The following LARGE1 variants were observed in gnomAD, a reference collection of about 807,000 sequenced individuals.
The protein encoded by LARGE1 is xylosyl- and glucuronyltransferase LARGE1.
In LARGE1, 43 loss-of-function variants were observed where a neutral mutation model predicts 87.6. The ratio of observed to expected loss-of-function variants is 0.49; its 90% CI spans 0.38 to 0.63. The LOEUF is 0.63. Among genes scored for constraint, LARGE1 ranks in the 30% least tolerant of loss-of-function variants. The pLI is 0.00. For synonymous variants in LARGE1, 434 were observed against 394.6 expected (o/e 1.10, Z -1.18); for missense variants, 802 against 1,000.2 (o/e 0.80, Z 2.67).
At chr22:33,828,355 CAG>C (rs1407364865) in intron 1 of LARGE1, among the ~76,000 whole-genome samples, 2 of 152,182 alleles carry the variant, frequency 1.3e-5, no homozygotes, top group Admixed American at 6.5e-5. Context: ...GGAAGGCAGA[CAG>C]AAAGGCTTCT....
At chr22:33,895,104 T>C (rs973786551) in intron 1 of LARGE1, among the ~76,000 whole-genome samples, 4 of 152,038 alleles carry the variant, frequency 2.6e-5, no homozygotes, top group African/African-American at 9.7e-5. Context: ...AGTACACCTC[T>C]ACAGAGGTGG....
intron 12 of LARGE1, among the ~76,000 whole-genome samples, chr22:33,285,153 C>T (rs1931274809): frequency 6.6e-6 from 1 of 152,144 alleles, no homozygotes; most frequent in Non-Finnish European, 1.5e-5. Context: ...TCACTCTTGG[C>T]CAGGACCTAG....
chr22:33,298,298 C>G (rs1370976015), intron 12 of LARGE1, among the ~76,000 whole-genome samples: 1 of 152,238 alleles, frequency 6.6e-6, no homozygotes, highest in South Asian at 2.1e-4. Flanking sequence ...TTTGTCTCCC[C>G]TGTTCACTGT....
intron 2 of LARGE1, among the ~76,000 whole-genome samples, chr22:33,697,163 A>T (rs2082276078): frequency 6.6e-6 from 1 of 152,150 alleles, no homozygotes; most frequent in Non-Finnish European, 1.5e-5. Flanking sequence ...AAGCATGAAC[A>T]AGGGATGTTA....
At chr22:33,894,055 G>A (rs1351134447) in intron 1 of LARGE1, among the ~76,000 whole-genome samples, 1 of 151,998 alleles carries the variant, frequency 6.6e-6, no homozygotes, top group Admixed American at 6.5e-5. Context: ...CTAAGTCTAA[G>A]GGTCAACTCC....
chr22:33,588,537 G>T (rs1416301589), intron 5 of LARGE1, among the ~76,000 whole-genome samples: 2 of 151,622 alleles, frequency 1.3e-5, no homozygotes, highest in African/African-American at 4.9e-5. Flanking sequence ...GTGTGTGTGC[G>T]CACGCACGCA....
At chr22:33,307,597 T>C (rs954057582) in intron 11 of LARGE1, among the ~76,000 whole-genome samples, 2 of 152,132 alleles carry the variant, frequency 1.3e-5, no homozygotes, top group Non-Finnish European at 2.9e-5. Flanking sequence ...CTAATACATA[T>C]TTGTTATTTC....
chr22:33,453,173 T>G (rs1157744600), intron 6 of LARGE1, among the ~76,000 whole-genome samples: 2 of 152,124 alleles, frequency 1.3e-5, no homozygotes, highest in Non-Finnish European at 2.9e-5. Flanking sequence ...TCCCAGCACT[T>G]TGGGAGGCCG....
Position 33,564,907 on chromosome 22 carries a change from G to A in LARGE1, c.728C>T (p.Thr243Met), listed in dbSNP as rs1267359140. Residue 243 changes from threonine (T) to methionine (M), a missense_variant, in exon 6 of 15, where the codon ACG becomes ATG. Physicochemically the swap from Thr to Met is moderately conservative, Grantham distance 81. This residue lies in a region of LARGE1 where 625 missense variants were observed against 841.9 expected (regional missense o/e 0.74). Transcript: ENST00000397394. The part of the protein sequence containing the change: ...ANLERVIVLD[T>M]DITFATDIAE... ...AATGTCAGTGGCAAAGGTGATATCC[G>A]TGTCAAGGACGATGACTCTCTCCAG... is the stretch of plus-strand genomic sequence containing the variant. 7 of 1,614,032 alleles carry A rather than the reference G, an allele frequency of 4.3e-6. No individual in the cohort carries two copies. The highest frequency in any genetic ancestry group is 3.3e-5 in the Admixed American group (2 of 60,006).
intron 9 of LARGE1, among the ~76,000 whole-genome samples, chr22:33,358,151 C>G (rs927397810): frequency 6.6e-5 from 10 of 152,182 alleles, no homozygotes; most frequent in African/African-American, 2.4e-4. Flanking sequence ...CTGGTCACAG[C>G]AGTGCACAAA....
At position 33,631,237 on chromosome 22, in the gene LARGE1, A is replaced by G. The variant is rs537237666; in HGVS notation, c.409-4911T>C. Among the ~76,000 whole-genome samples the G allele has an allele frequency of 4.6e-5, 7 of 152,204 alleles. No homozygotes were observed. In the East Asian group the frequency reaches 1.4e-3, roughly 29 times the overall value. ...AGCGGTTATTCACAGACATGATCAC[A>G]GAACACGACAGCCTCGAAGTCCTGG... On this transcript the variant is annotated intron_variant, in intron 3 of 14. Coordinates refer to ENST00000397394, the MANE Select transcript of LARGE1 (RefSeq NM_133642.5).
intron 11 of LARGE1, among the ~76,000 whole-genome samples, chr22:33,181,025 A>C (rs748234593): frequency 2.6e-5 from 4 of 152,112 alleles, no homozygotes; most frequent in Admixed American, 1.3e-4. Flanking sequence ...AAATGTAAAA[A>C]CCATTGAGCT....
chr22:33,079,588 C>T, the LARGE1 span, among the ~76,000 whole-genome samples: 2 of 152,084 alleles, frequency 1.3e-5, no homozygotes, highest in South Asian at 4.2e-4. Flanking sequence ...TAACTCCTCA[C>T]TGCTATGTTA....
chr22:33,689,029 T>C (rs903724393), intron 2 of LARGE1, among the ~76,000 whole-genome samples: 1 of 152,150 alleles, frequency 6.6e-6, no homozygotes, highest in African/African-American at 2.4e-5. Context: ...TATCAAGCCC[T>C]GGTTTAGCGC....
At chr22:33,611,904 T>C (rs2079440488) in intron 4 of LARGE1, among the ~76,000 whole-genome samples, 1 of 152,090 alleles carries the variant, frequency 6.6e-6, no homozygotes, top group African/African-American at 2.4e-5. Flanking sequence ...TGTTTAAAGA[T>C]TGTGGCACCT....
intron 12 of LARGE1, among the ~76,000 whole-genome samples, chr22:33,302,268 G>A (rs541701702): frequency 1.3e-5 from 2 of 152,350 alleles, no homozygotes; most frequent in South Asian, 2.1e-4. Flanking sequence ...CGCTGGGGCT[G>A]GAGGGAGTGC....
chr22:33,647,497 T>G (rs2149168531), intron 3 of LARGE1, among the ~76,000 whole-genome samples: 1 of 152,252 alleles, frequency 6.6e-6, no homozygotes, highest in Middle Eastern at 3.4e-3. Context: ...TCATTATGGG[T>G]CATGAGATGA....
chr22:33,179,346 C>T (rs1391796708), intron 11 of LARGE1, among the ~76,000 whole-genome samples: 2 of 152,120 alleles, frequency 1.3e-5, no homozygotes, highest in Non-Finnish European at 2.9e-5. Flanking sequence ...CCCTTTGCCC[C>T]CTACACACTT....
At chr22:33,334,775 G>C (rs548472951) in intron 10 of LARGE1, among the ~76,000 whole-genome samples, 51 of 152,326 alleles carry the variant, frequency 3.3e-4, no homozygotes, top group African/African-American at 7.5e-4. Context: ...GCATCTCTAA[G>C]AGCTGTTAAG....
Sources: gnomAD v4.1 joint callset for allele counts (sites outside exome capture counted in the v4.1 genomes callset) on GRCh38, gnomAD v4.1.1 for gene constraint, gnomAD v4.1.1 regional missense constraint, MANE v1.5 for transcripts, NCBI Gene and HGNC (gene_info 2026-07-23, HGNC 2026-07-21) for gene names.